UAP1: variants seen among roughly 807,000 people sequenced by gnomAD.
The protein encoded by UAP1 is UDP-N-acetylglucosamine pyrophosphorylase 1.
In UAP1, 25 loss-of-function variants were observed where a neutral mutation model predicts 58.5. That is an observed-to-expected ratio of 0.43 (90% CI 0.31 to 0.60). The LOEUF (loss-of-function observed/expected upper bound fraction) is 0.60. Among genes scored for constraint, UAP1 ranks in the 20% least tolerant of loss-of-function variants. The pLI is 0.11. For missense variants in UAP1, 575 were observed against 630.0 expected, an observed-to-expected ratio of 0.91 and a Z score of 0.93; for synonymous variants, 208 against 213.0, an observed-to-expected ratio of 0.98 and a Z score of 0.21.
chr1:162,564,598 C>T (rs1224991176), intron 1 of UAP1, among the ~76,000 whole-genome samples: 1 of 152,192 alleles, frequency 6.6e-6, no homozygotes, highest in Non-Finnish European at 1.5e-5. Context: ...CTTTTAACTT[C>T]TTTTCCTGCT....
At chr1:162,592,805 A>G (rs776628349) in intron 9 of UAP1, 23 bp downstream of exon 9, 24 of 1,543,774 alleles carry the variant, frequency 1.6e-5, no homozygotes, top group South Asian at 3.6e-5. Context: ...GCCTGCCTAC[A>G]GTGCATGGTG....
intron 5 of UAP1, among the ~76,000 whole-genome samples, chr1:162,584,839 G>A (rs914220487): frequency 6.6e-6 from 1 of 152,140 alleles, no homozygotes; most frequent in Non-Finnish European, 1.5e-5. Context: ...ATGGAGTGAA[G>A]AACATGAGAA....
At position 162,573,103 on chromosome 1, in the gene UAP1, A is replaced by G. The variant is rs76826231; in HGVS notation, c.281-3674A>G. On this transcript the variant is annotated intron_variant, in intron 2 of 10. Coordinates refer to ENST00000271469, the Ensembl canonical transcript of UAP1. ...TCTTGAAAGGTTCCCTGTTCCCTTT[A>G]AATTTCTTCATCTCAGTTTTTGTTA... Among the ~76,000 whole-genome samples, 311 of 152,304 alleles carry G rather than the reference A, an allele frequency of 2.0e-3. 6 individuals carry two copies. The East Asian group carries it at 0.049, about 24-fold the overall frequency.
At chr1:162,577,049 A>G in intron 3 of UAP1, 68 bp downstream of exon 3, 2 of 1,421,778 alleles carry the variant, frequency 1.4e-6, no homozygotes, top group Non-Finnish European at 2.0e-6. Flanking sequence ...AAATGCATAT[A>G]TACTTTATGC....
chr1:162,588,711 G>C (rs1419627783), exon 7 of UAP1: 10 of 1,610,616 alleles, frequency 6.2e-6, no homozygotes, highest in Middle Eastern at 1.7e-4. Context: ...AACCTCAGTT[G>C]CAGCACCATG....
chr1:162,587,451 C>T (rs764828642), intron 5 of UAP1, 24 bp from the exon 6 acceptor site: 3 of 1,574,380 alleles, frequency 1.9e-6, no homozygotes. Flanking sequence ...ATTTCCTCCT[C>T]TACTGTTTTT....
chr1:162,589,164 AATATATAAATATT>A (rs1384640696), intron 7 of UAP1, among the ~76,000 whole-genome samples: 1 of 100,788 alleles, frequency 9.9e-6, no homozygotes, highest in African/African-American at 4.1e-5. Flanking sequence ...TATTATATAT[AATATATAAATATT>A]ATATATAATA....
At chr1:162,566,126 C>T (rs779250018) in exon 2 of UAP1, 24 of 1,613,162 alleles carry the variant, frequency 1.5e-5, no homozygotes, top group Admixed American at 1.0e-4. Flanking sequence ...GCACCTACTA[C>T]GTTTCTGGAA....
intron 2 of UAP1, among the ~76,000 whole-genome samples, chr1:162,573,775 G>A (rs1557967878): frequency 6.6e-6 from 1 of 151,996 alleles, no homozygotes; most frequent in Non-Finnish European, 1.5e-5. Context: ...GACCAGCCTG[G>A]GCAACATGGT....
chr1:162,597,338 A>T (rs2101848812), intron 9 of UAP1: 1 of 153,036 alleles, frequency 6.5e-6, no homozygotes. Context: ...TGGCTTCTGT[A>T]TTGGATAGTA....
At chr1:162,591,196 A>AC (rs1655289335) in intron 8 of UAP1, among the ~76,000 whole-genome samples, 3 of 152,076 alleles carry the variant, frequency 2.0e-5, no homozygotes, top group Non-Finnish European at 4.4e-5. Context: ...AAATGCTGGG[A>AC]TTACAGGTGT....
chr1:162,570,065 T>C (rs1212677847), intron 2 of UAP1, among the ~76,000 whole-genome samples: 2 of 150,958 alleles, frequency 1.3e-5, no homozygotes, highest in African/African-American at 4.9e-5. Flanking sequence ...AGGAGGATGG[T>C]GTAAACCCAG....
At position 162,592,617 on chromosome 1, in the gene UAP1, A is replaced by G. The variant is rs1446693941; in HGVS notation, c.1359-115A>G. ...ACCCCCTTTTGGTCTCTTGGGACGA[A>G]TTTATGATTTACCATAAATACATAC... On this transcript the variant is annotated intron_variant, in intron 8 of 10. Coordinates refer to ENST00000271469, the Ensembl canonical transcript of UAP1. 3 of 805,164 alleles carry G rather than the reference A, an allele frequency of 3.7e-6. No individual in the cohort carries two copies. In the East Asian group the frequency reaches 8.2e-5, roughly 22 times the overall value. 49.9% of individuals were successfully genotyped at this position (805,164 alleles called of 1,614,324 possible).
chr1:162,571,204 C>G (rs1271094080), intron 2 of UAP1, among the ~76,000 whole-genome samples: 1 of 151,746 alleles, frequency 6.6e-6, no homozygotes, highest in Non-Finnish European at 1.5e-5. Context: ...TCTCGGCTCA[C>G]TGCAACCTCT....
At chr1:162,570,640 T>TA (rs1653804774) in intron 2 of UAP1, among the ~76,000 whole-genome samples, 1 of 152,214 alleles carries the variant, frequency 6.6e-6, no homozygotes, top group African/African-American at 2.4e-5. Flanking sequence ...CAAAAACTGG[T>TA]TCAGATAGAG....
chr1:162,584,454 T>C (rs1469891975), intron 5 of UAP1, among the ~76,000 whole-genome samples: 1 of 152,212 alleles, frequency 6.6e-6, no homozygotes, highest in African/African-American at 2.4e-5. Context: ...ACTGTGGTAG[T>C]AGAATTATTT....
At chr1:162,575,762 G>A (rs1213555486) in intron 2 of UAP1, among the ~76,000 whole-genome samples, 2 of 150,934 alleles carry the variant, frequency 1.3e-5, no homozygotes, top group East Asian at 1.9e-4. Context: ...GTGCAGTGGC[G>A]CGATCTCGGC....
chr1:162,581,533 C>T (rs1654586431), intron 5 of UAP1, 74 bp downstream of exon 5: 10 of 1,421,666 alleles, frequency 7.0e-6, no homozygotes, highest in South Asian at 1.4e-5. Context: ...GAAGTCAAAC[C>T]AAGTTTATTA....
In UAP1 at chr1:162,592,796, C is replaced by T; in HGVS notation, c.1409+14C>T. On this transcript the variant is annotated intron_variant, in intron 9 of 10. Coordinates refer to ENST00000271469, the Ensembl canonical transcript of UAP1. ...TGTCAATCACAAGTAAATATACCAG[C>T]CTGCCTACAGTGCATGGTGATGGGG... is the stretch of plus-strand genomic sequence containing the variant. 1.3e-6 allele frequency: 2 copies of T among 1,547,540 alleles called. No individual in the cohort carries two copies. The highest frequency in any genetic ancestry group is 1.7e-6 in the Non-Finnish European group (2 of 1,144,070).
Sources: gnomAD v4.1 joint callset for allele counts (sites outside exome capture counted in the v4.1 genomes callset) on GRCh38, gnomAD v4.1.1 for gene constraint, MANE v1.5 for transcripts, NCBI Gene and HGNC (gene_info 2026-07-23, HGNC 2026-07-21) for gene names.